ESRRG: variants seen among roughly 807,000 people sequenced by gnomAD.
The protein encoded by ESRRG is estrogen related receptor gamma.
ESRRG carries 13 observed loss-of-function variants against 44.0 expected under a neutral mutation model. That is an observed-to-expected ratio of 0.30 (90% CI 0.19 to 0.47). ESRRG has a LOEUF of 0.47. ESRRG is among the 20% of genes least tolerant of loss of function. ESRRG has a pLI of 1.00. For synonymous variants in ESRRG, 215 were observed against 214.6 expected, an observed-to-expected ratio of 1.00 and a Z score of -0.02; for missense variants, 395 against 580.6, an observed-to-expected ratio of 0.68 and a Z score of 3.29.
intron 1 of ESRRG, among the ~76,000 whole-genome samples, chr1:216,954,753 A>G (rs909170652): frequency 6.6e-6 from 1 of 152,112 alleles, no homozygotes; most frequent in African/African-American, 2.4e-5. Flanking sequence ...TCTTCAATTA[A>G]GACACTTGCC....
intron 1 of ESRRG, among the ~76,000 whole-genome samples, chr1:216,983,998 C>T (rs929884335): frequency 2.1e-5 from 3 of 140,546 alleles, no homozygotes; most frequent in African/African-American, 8.0e-5. Flanking sequence ...CGCTTCAGAT[C>T]TAAATATAGG....
rs145502681 is a variant in ESRRG at position 216,927,628 on chromosome 1, C to T, written c.-14+11954G>A. Among the ~76,000 whole-genome samples, 502 of 152,338 alleles carry T rather than the reference C, an allele frequency of 3.3e-3. 3 individuals are homozygous for T. The highest frequency in any genetic ancestry group is 0.011 in the African/African-American group (478 of 41,578). On this transcript the variant is annotated intron_variant, in intron 2 of 7. Coordinates refer to the ESRRG transcript ENST00000359162. The stretch of plus-strand genomic sequence containing the variant: ...GAAAGTGACTTGCTCTGCCTTTAGG[C>T]TGAGAGGTTGAGCTTGATGGCTAAG...
intron 2 of ESRRG, among the ~76,000 whole-genome samples, chr1:216,782,883 C>G (rs2093984946): frequency 1.3e-5 from 2 of 152,110 alleles, no homozygotes; most frequent in African/African-American, 4.8e-5. Context: ...AAAAATATCT[C>G]TTGTCAGTTT....
chr1:216,973,876 C>A (rs1480124046), intron 1 of ESRRG, among the ~76,000 whole-genome samples: 1 of 151,424 alleles, frequency 6.6e-6, no homozygotes, highest in Admixed American at 6.6e-5. Flanking sequence ...TAGATGAATC[C>A]CAAATCTAGC....
At chr1:216,634,513 G>T (rs1358888360) in intron 3 of ESRRG, among the ~76,000 whole-genome samples, 1 of 151,990 alleles carries the variant, frequency 6.6e-6, no homozygotes. Context: ...TCTCCCTAGA[G>T]AAAAAACTCA....
At chr1:216,993,179 C>T (rs1247607939) in intron 1 of ESRRG, among the ~76,000 whole-genome samples, 5 of 152,188 alleles carry the variant, frequency 3.3e-5, no homozygotes, top group Non-Finnish European at 5.9e-5. Flanking sequence ...TTTAAAACAA[C>T]TCTGCAAAGT....
chr1:216,952,001 T>A (rs2067048145), intron 1 of ESRRG, among the ~76,000 whole-genome samples: 1 of 152,074 alleles, frequency 6.6e-6, no homozygotes, highest in Non-Finnish European at 1.5e-5. Context: ...TGGCCACTTC[T>A]TACCATAAAT....
chr1:216,747,585 T>C (rs190875484), intron 2 of ESRRG, among the ~76,000 whole-genome samples: 1 of 152,302 alleles, frequency 6.6e-6, no homozygotes, highest in Admixed American at 6.5e-5. Flanking sequence ...AATGATTGCA[T>C]TTCCTTCCAA....
intron 1 of ESRRG, among the ~76,000 whole-genome samples, chr1:217,073,881 G>A (rs1358687338): frequency 6.6e-6 from 1 of 151,814 alleles, no homozygotes; most frequent in Non-Finnish European, 1.5e-5. Flanking sequence ...TTTCAAGAAG[G>A]GCAAAAGACA....
At chr1:216,890,866 T>G (rs2057691200) in intron 2 of ESRRG, among the ~76,000 whole-genome samples, 1 of 152,184 alleles carries the variant, frequency 6.6e-6, no homozygotes, top group Non-Finnish European at 1.5e-5. Context: ...CCTATCGCAC[T>G]GTTTCTTTTA....
chr1:216,954,923 G>A (rs962385358), intron 1 of ESRRG, among the ~76,000 whole-genome samples: 1 of 152,062 alleles, frequency 6.6e-6, no homozygotes, highest in Admixed American at 6.6e-5. Context: ...TAGTTGACAT[G>A]TAATAATTGT....
chr1:216,602,336 T>C (rs2059361635), intron 3 of ESRRG, among the ~76,000 whole-genome samples: 1 of 152,196 alleles, frequency 6.6e-6, no homozygotes, highest in African/African-American at 2.4e-5. Flanking sequence ...GGTACATACA[T>C]GTAACAAGCT....
intron 1 of ESRRG, among the ~76,000 whole-genome samples, chr1:217,074,157 C>T (rs371488969): frequency 4.0e-5 from 6 of 151,622 alleles, no homozygotes; most frequent in African/African-American, 1.2e-4. Context: ...AAGCAATTCT[C>T]CTGCCTCAGC....
In ESRRG at chr1:216,904,185, T is replaced by A. The variant is rs149353816; in HGVS notation, c.-14+35397A>T. ...AGGCTACAAGTTTTAGTATGGCATT[T>A]ACTGCAGCTGCAATCATCACCCCCC... is the stretch of plus-strand genomic sequence containing the variant. On this transcript the variant is annotated intron_variant, in intron 2 of 7. Transcript: ENST00000359162. 1.9e-3 allele frequency among the ~76,000 whole-genome samples: 283 copies of A among 148,852 alleles called. 1 individual carries two copies. Among genetic ancestry groups the A allele is most frequent in the African/African-American group, 6.8e-3 (276 of 40,838 alleles).
intron 2 of ESRRG, among the ~76,000 whole-genome samples, chr1:216,900,546 G>GC (rs924656923): frequency 9.1e-6 from 1 of 110,300 alleles, no homozygotes; most frequent in African/African-American, 3.7e-5. Context: ...GGTCTGTTAA[G>GC]GGGGGGCAAG....
intron 2 of ESRRG, among the ~76,000 whole-genome samples, chr1:216,877,385 TTTTG>T (rs139463714): frequency 0.024 from 1,273 of 52,312 alleles, 36 homozygotes; most frequent in East Asian, 0.11. Flanking sequence ...TGGTGTTTTT[TTTTG>T]TTTGTTTGTT....
intron 2 of ESRRG, among the ~76,000 whole-genome samples, chr1:216,836,822 C>A (rs868358692): frequency 6.6e-6 from 1 of 152,096 alleles, no homozygotes; most frequent in African/African-American, 2.4e-5. Context: ...GCTATTATCC[C>A]AAATGAGAGT....
chr1:216,632,565 G>C (rs1052140742), intron 3 of ESRRG, among the ~76,000 whole-genome samples: 1 of 152,134 alleles, frequency 6.6e-6, no homozygotes, highest in African/African-American at 2.4e-5. Context: ...GGTGGTTGAG[G>C]AGGGGGATCT....
At chr1:216,847,750 T>G (rs1015431176) in intron 2 of ESRRG, among the ~76,000 whole-genome samples, 16 of 152,102 alleles carry the variant, frequency 1.1e-4, no homozygotes, top group African/African-American at 3.9e-4. Flanking sequence ...TGGCCTATTA[T>G]CAAAGCATCA....
Sources: allele counts gnomAD v4.1 joint callset (sites outside exome capture counted in the v4.1 genomes callset), GRCh38; gene constraint gnomAD v4.1.1; transcripts MANE v1.5; gene names NCBI Gene and HGNC (gene_info 2026-07-23, HGNC 2026-07-21).